GLS: variants seen among roughly 807,000 people sequenced by gnomAD.
The protein encoded by GLS is glutaminase kidney isoform, mitochondrial.
GLS carries 36 observed loss-of-function variants against 86.7 expected under a neutral mutation model. The observed-to-expected ratio is 0.42, with a 90% CI of 0.32 to 0.55. The LOEUF is 0.55. GLS is among the 20% of genes least tolerant of loss of function. The pLI is 0.17. For synonymous variants in GLS, 317 were observed against 305.9 expected (o/e 1.04, Z -0.38); for missense variants, 528 against 833.4 (o/e 0.63, Z 4.51).
chr2:190,883,930 C>G (rs1688290686), intron 1 of GLS, among the ~76,000 whole-genome samples: 1 of 152,124 alleles, frequency 6.6e-6, no homozygotes, highest in Non-Finnish European at 1.5e-5. Flanking sequence ...TTCACAAACT[C>G]TTTGAACTAA....
Position 190,900,644 on chromosome 2 carries a change from C to T in GLS, c.686C>T (p.Ser229Leu), listed in dbSNP as rs763039482. Residue 229 changes from serine (S) to leucine (L), a missense_variant, in exon 4 of 18, where the codon TCA (serine) becomes TTA (leucine). This residue lies in a region of GLS where 111 missense variants were observed against 179.5 expected (regional missense o/e 0.62). Transcript: ENST00000320717. ...ATTCCTGACTTTATGTCTTTTACCT[C>T]ACACATTGATGAGTTATATGAAAGT... The part of the protein sequence containing the change: ...FVIPDFMSFT[S>L]HIDELYESAK... 6.2e-7 allele frequency: 1 copy of T among 1,603,764 alleles called. No homozygotes were observed. The highest frequency in any genetic ancestry group is 1.1e-5 in the South Asian group (1 of 90,788).
chr2:190,914,057 G>A lies in GLS; in HGVS notation c.1038+3736G>A, dbSNP rs886359892. ...TCCTCCAAGTTTGGCCTCCCAAAAT[G>A]CTGGGATGACAGGCATTAGCCACTC... On this transcript the variant is annotated intron_variant, in intron 7 of 17. Coordinates refer to ENST00000320717, the MANE Select transcript of GLS (RefSeq NM_014905.5). The surrounding 1 kb of genome is among the most constrained non-coding windows in gnomAD (Gnocchi z 4.4). Among the ~76,000 whole-genome samples the A allele has an allele frequency of 3.3e-5, 5 of 152,140 alleles. No individual in the cohort carries two copies. The highest frequency in any genetic ancestry group is 9.7e-5 in the African/African-American group (4 of 41,430).
intron 14 of GLS, among the ~76,000 whole-genome samples, chr2:190,936,898 T>C (rs976246210): frequency 1.3e-5 from 2 of 151,452 alleles, no homozygotes; most frequent in Admixed American, 6.6e-5. Flanking sequence ...GCCTTGAAAA[T>C]GCTAGAAAGC....
At position 190,943,268 on chromosome 2, in the gene GLS, G is replaced by T. The variant is rs1024596662; in HGVS notation, c.1651-10297G>T. On this transcript the variant is annotated intron_variant, in intron 14 of 17. Transcript: ENST00000320717. This position sits in a 1 kb window ranked among gnomAD's most constrained non-coding sequence, Gnocchi z 4.5. ...AGATTTAGGCCTAAAACTTAGAGCA[G>T]TGTAAGTTGGAGCTATAATTTTGTG... Among the ~76,000 whole-genome samples, 1 of 152,196 alleles carries T rather than the reference G, an allele frequency of 6.6e-6. No individual in the cohort carries two copies. The highest frequency in any genetic ancestry group is 1.5e-5 in the Non-Finnish European group (1 of 68,032).
chr2:190,902,323 C>G (rs1688972961), intron 5 of GLS, among the ~76,000 whole-genome samples: 1 of 152,100 alleles, frequency 6.6e-6, no homozygotes. Flanking sequence ...AAACATGACA[C>G]TATTCTCTAA....
Position 190,921,605 on chromosome 2 carries a change from C to T in GLS, c.1130+402C>T, listed in dbSNP as rs548018274. Among the ~76,000 whole-genome samples, 8 of 151,956 alleles carry T rather than the reference C, an allele frequency of 5.3e-5. No homozygotes were observed. The South Asian group carries it at 1.7e-3, about 31-fold the overall frequency. ...ACTTGCTTTTTCTCAATCTCTGTCT[C>T]TTTAGATAGATAAAAAATATGTATG... On this transcript the variant is annotated intron_variant, in intron 9 of 17. Transcript: ENST00000320717. This position sits in a 1 kb window ranked among gnomAD's most constrained non-coding sequence, Gnocchi z 4.2.
In GLS at chr2:190,895,732, G is replaced by T. The variant is rs1008340753; in HGVS notation, c.605+7G>T. 1.9e-6 allele frequency: 3 copies of T among 1,567,648 alleles called. No individual in the cohort carries two copies. Among genetic ancestry groups the T allele is most frequent in the Non-Finnish European group, 2.6e-6 (3 of 1,150,434 alleles). ...ACAAAGATCTTTTTAAAAAGTAAAAGTTTCTGCCAAACCTTTAATGGTGAT... is the reference window on the plus strand; with the variant it reads ...ACAAAGATCTTTTTAAAAAGTAAAATTTTCTGCCAAACCTTTAATGGTGAT... On this transcript the variant is annotated splice_region_variant and intron_variant, in intron 3 of 17. Coordinates refer to ENST00000320717, the MANE Select transcript of GLS (RefSeq NM_014905.5). The surrounding 1 kb of genome is among the most constrained non-coding windows in gnomAD (Gnocchi z 4.2).
chr2:190,927,577 TATTA>T, intron 12 of GLS, 95 bp downstream of exon 12: 2 of 840,244 alleles, frequency 2.4e-6, no homozygotes, highest in Non-Finnish European at 3.7e-6. Context: ...TAAAGCTGTA[TATTA>T]ATTTTTGAGA....
At position 190,897,711 on chromosome 2, in the gene GLS, C is replaced by A. The variant is rs1210997770; in HGVS notation, c.605+1986C>A. Among the ~76,000 whole-genome samples, 1 of 152,086 alleles carries A rather than the reference C, an allele frequency of 6.6e-6. No homozygotes were observed. Among genetic ancestry groups the A allele is most frequent in the Non-Finnish European group, 1.5e-5 (1 of 68,024 alleles). On this transcript the variant is annotated intron_variant, in intron 3 of 17. Coordinates refer to ENST00000320717, the MANE Select transcript of GLS (RefSeq NM_014905.5). The surrounding 1 kb of genome is among the most constrained non-coding windows in gnomAD (Gnocchi z 4.3). ...ATAAGAAGTTACCTAGTTAGTGTTGCCAGAAATAAACTTCTCCCTTTCATG... is the reference window on the plus strand; with the variant it reads ...ATAAGAAGTTACCTAGTTAGTGTTGACAGAAATAAACTTCTCCCTTTCATG...
At chr2:190,928,193 A>C (rs1689962396) in intron 12 of GLS, among the ~76,000 whole-genome samples, 1 of 152,092 alleles carries the variant, frequency 6.6e-6, no homozygotes, top group Non-Finnish European at 1.5e-5. Context: ...TTAACAAAAC[A>C]TAACAATAAT....
rs185489418 is a variant in GLS, at chr2:190,927,204, A to C, written c.1249-102A>C. ...ATATTAAAGTAATCTCTTTGGAAGA[A>C]ATATTTCAGATCTGTATGAAATACC... On this transcript the variant is annotated intron_variant, in intron 11 of 17. Transcript: ENST00000320717. 25 of 905,212 alleles carry C rather than the reference A, an allele frequency of 2.8e-5. No individual in the cohort carries two copies. In the African/African-American group the frequency reaches 3.2e-4, roughly 11 times the overall value. The allele number at this position is 905,212 out of a possible 1,614,324, so 56.1% of individuals were successfully genotyped here. A position where few individuals can be genotyped will look rare whatever the true frequency, so the allele number is the denominator to read the frequency against.
intron 9 of GLS, among the ~76,000 whole-genome samples, chr2:190,922,322 A>G (rs548741892): frequency 4.6e-5 from 7 of 152,258 alleles, no homozygotes; most frequent in South Asian, 4.1e-4. Flanking sequence ...TTTAGCATGT[A>G]TACTACTATT....
chr2:190,885,171 A>G (rs1688330445), intron 1 of GLS, among the ~76,000 whole-genome samples: 1 of 152,052 alleles, frequency 6.6e-6, no homozygotes, highest in Non-Finnish European at 1.5e-5. Context: ...AAAGAAAATC[A>G]TCGAGGTGTA....
In GLS at chr2:190,949,032, G is replaced by T. The variant is rs891263709; in HGVS notation, c.1651-4533G>T. On this transcript the variant is annotated intron_variant, in intron 14 of 17. Coordinates refer to ENST00000320717, the MANE Select transcript of GLS (RefSeq NM_014905.5). This position sits in a 1 kb window ranked among gnomAD's most constrained non-coding sequence, Gnocchi z 4.0. ...TGGGGAAGACTGACAGCAAGGAAGG[G>T]ACTTTCGGGCTAGTCTTTGAGGGAA... is the stretch of plus-strand genomic sequence containing the variant. Among the ~76,000 whole-genome samples, 1 of 152,098 alleles carries T rather than the reference G, an allele frequency of 6.6e-6. No homozygotes were observed. Among genetic ancestry groups the T allele is most frequent in the African/African-American group, 2.4e-5 (1 of 41,408 alleles).
intron 14 of GLS, among the ~76,000 whole-genome samples, chr2:190,950,089 G>A (rs1690680506): frequency 6.6e-6 from 1 of 151,882 alleles, no homozygotes; most frequent in South Asian, 2.1e-4. Flanking sequence ...ACATTTGAAT[G>A]GAGACCTACC....
intron 14 of GLS, among the ~76,000 whole-genome samples, chr2:190,939,976 A>G (rs192399668): frequency 8.6e-5 from 13 of 151,842 alleles, no homozygotes; most frequent in Non-Finnish European, 1.3e-4. Context: ...TTAAAAAATT[A>G]TATCAAAGTT....
Position 190,895,652 on chromosome 2 carries a change from T to A in GLS, c.532T>A (p.Cys178Ser). The A allele has an allele frequency of 6.3e-7, 1 of 1,599,926 alleles. No homozygotes were observed. The stretch of plus-strand genomic sequence containing the variant: ...AACGTCTGATCCCAGGTTGAAAGAG[T>A]GTATGGATATGTTAAGATTAACTCT... ...LRTSDPRLKECMDMLRLTLQT... is the reference protein window; with the variant it reads ...LRTSDPRLKESMDMLRLTLQT... The change falls in exon 3 of 18, where the codon TGT becomes AGT. Residue 178 changes from cysteine to serine, a missense_variant. By Grantham distance (112) the Cys-to-Ser change is moderately radical. This residue lies in a region of GLS where 111 missense variants were observed against 179.5 expected (regional missense o/e 0.62). Coordinates refer to ENST00000320717, the MANE Select transcript of GLS (RefSeq NM_014905.5). The surrounding 1 kb of genome is among the most constrained non-coding windows in gnomAD (Gnocchi z 4.2).
intron 6 of GLS, among the ~76,000 whole-genome samples, chr2:190,907,626 A>G (rs936620172): frequency 2.3e-4 from 29 of 127,252 alleles, no homozygotes; most frequent in Non-Finnish European, 4.2e-4. Context: ...TTTTATCATT[A>G]TAAGTGAGCA....
intron 7 of GLS, among the ~76,000 whole-genome samples, chr2:190,919,440 G>GTACA (rs1689663332): frequency 6.6e-6 from 1 of 152,036 alleles, no homozygotes; most frequent in South Asian, 2.1e-4. Context: ...GTTTTATAGG[G>GTACA]TACAGTTTAG....
Sources: allele counts gnomAD v4.1 joint callset (sites outside exome capture counted in the v4.1 genomes callset), GRCh38; gene constraint gnomAD v4.1.1; regional missense constraint gnomAD v4.1.1; non-coding constraint Gnocchi (gnomAD v3.1); transcripts MANE v1.5; gene names NCBI Gene and HGNC (gene_info 2026-07-23, HGNC 2026-07-21).